Variants in NEMP1 observed in about 807,000 individuals in gnomAD.
NEMP1 encodes the protein nuclear envelope integral membrane protein 1.
A neutral mutation model predicts 53.7 loss-of-function variants in NEMP1; 29 were observed. That is an observed-to-expected ratio of 0.54 (90% CI 0.40 to 0.74). The LOEUF (loss-of-function observed/expected upper bound fraction) is 0.74. NEMP1 is among the 30% of genes least tolerant of loss of function. The pLI is 0.00. For synonymous variants in NEMP1, 193 were observed against 192.9 expected (o/e 1.00, Z 0.00); for missense variants, 477 against 528.6 (o/e 0.90, Z 0.96).
rs983382744 is a variant in NEMP1 at position 57,072,821 on chromosome 12, G to T, written c.219C>A (p.Ile73=). 1 of 1,613,120 alleles carries T rather than the reference G, an allele frequency of 6.2e-7. No homozygotes were observed. Among genetic ancestry groups the T allele is most frequent in the South Asian group, 1.1e-5 (1 of 90,842 alleles). Residue 73 remains isoleucine, a synonymous_variant, in exon 2 of 9, where the codon ATC becomes ATA. Coordinates refer to ENST00000300128, the MANE Select transcript of NEMP1 (RefSeq NM_001130963.2). ...SQQFCYTNVL[I]PKWHDIWTRI... ...GTGTCCATATATCATGCCATTTTGG[G>T]ATAAGCACATTTGTGTAACAGAATT...
Position 57,070,889 on chromosome 12 carries a change from C to T in NEMP1, c.257G>A (p.Arg86Gln), listed in dbSNP as rs530084039. 5 of 1,610,908 alleles carry T rather than the reference C, an allele frequency of 3.1e-6. No homozygotes were observed. Among genetic ancestry groups the T allele is most frequent in the Admixed American group, 3.4e-5 (2 of 59,596 alleles). Residue 86 changes from arginine to glutamine, a missense_variant, in exon 3 of 9, where the codon CGA becomes CAA. Arg to Gln is a conservative substitution (Grantham distance 43, BLOSUM62 1). Coordinates refer to ENST00000300128, the MANE Select transcript of NEMP1 (RefSeq NM_001130963.2). Reference protein sequence around the residue: ...WHDIWTRIQIRVNSSRLVRVT... With the variant: ...WHDIWTRIQIQVNSSRLVRVT... ...TCGAACCAATCTGGAACTATTTACT[C>T]GGATCTGTAACACAAATAAAATCAG... is the stretch of plus-strand genomic sequence containing the variant.
At chr12:57,071,773 C>T (rs189673803) in intron 2 of NEMP1, among the ~76,000 whole-genome samples, 125 of 151,560 alleles carry the variant, frequency 8.2e-4, no homozygotes, top group African/African-American at 2.9e-3. Context: ...TGCAGGGAGC[C>T]GAGGTCGTGC....
At position 57,063,251 on chromosome 12, in the gene NEMP1, G is replaced by A. The variant is rs1343372031; in HGVS notation, c.848C>T (p.Thr283Ile). Reference sequence around the variant, plus strand: ...GAAACACAGGCCCATCAGCTGCAAGGTCCAGGTCAGCAGGTTGATACTTCG... The same window carrying A: ...GAAACACAGGCCCATCAGCTGCAAGATCCAGGTCAGCAGGTTGATACTTCG... Reference protein sequence around the residue: ...NERSINLLTWTLQLMGLCFMY... With the variant: ...NERSINLLTWILQLMGLCFMY... The change falls in exon 7 of 9, where the codon ACC (threonine) becomes ATC (isoleucine). Residue 283 changes from threonine (T) to isoleucine (I), a missense_variant. Transcript: ENST00000300128. The A allele has an allele frequency of 6.2e-7, 1 of 1,614,174 alleles. No individual in the cohort carries two copies. Among genetic ancestry groups the A allele is most frequent in the Non-Finnish European group, 8.5e-7 (1 of 1,180,040 alleles).
intron 1 of NEMP1, among the ~76,000 whole-genome samples, chr12:57,086,924 T>A (rs2033012630): frequency 6.6e-6 from 1 of 152,190 alleles, no homozygotes; most frequent in Non-Finnish European, 1.5e-5. Context: ...TTTAGAGAGT[T>A]TTCCCGTACA....
intron 8 of NEMP1, among the ~76,000 whole-genome samples, chr12:57,060,564 T>C (rs984934268): frequency 2.6e-5 from 4 of 152,210 alleles, no homozygotes; most frequent in African/African-American, 9.7e-5. Flanking sequence ...CCCATCTTAA[T>C]GCTACAATCA....
upstream of NEMP1, among the ~76,000 whole-genome samples, chr12:57,081,894 A>G (rs1473936603): frequency 4.0e-5 from 6 of 148,776 alleles, no homozygotes; most frequent in East Asian, 9.9e-4. Flanking sequence ...GCGACAGAGC[A>G]AGACTCCGTC....
chr12:57,072,231 A>T (rs2032385658), intron 2 of NEMP1, among the ~76,000 whole-genome samples: 1 of 152,206 alleles, frequency 6.6e-6, no homozygotes, highest in Admixed American at 6.6e-5. Flanking sequence ...TGAGGGCAGG[A>T]GTTTCAGACC....
Position 57,069,313 on chromosome 12 carries a change from T to A in NEMP1, c.473-7A>T. On this transcript the variant is annotated splice_region_variant and splice_polypyrimidine_tract_variant and intron_variant, in intron 3 of 8. Transcript: ENST00000300128. Reference sequence around the variant, plus strand: ...AAGAGTTTGGGATCAAATCCTGAAATAAATAAAGATTTTTGCTTAATAAGG... The same window carrying A: ...AAGAGTTTGGGATCAAATCCTGAAAAAAATAAAGATTTTTGCTTAATAAGG... The A allele has an allele frequency of 6.5e-7, 1 of 1,533,968 alleles. No individual in the cohort carries two copies. The highest frequency in any genetic ancestry group is 1.7e-4 in the Middle Eastern group (1 of 5,930).
intron 6 of NEMP1, 63 bp from the exon 7 acceptor site, chr12:57,063,407 G>A: frequency 7.2e-7 from 1 of 1,380,294 alleles, no homozygotes. Context: ...TAATTTGTGT[G>A]GGAAGCAGTA....
chr12:57,072,712 A>C, intron 2 of NEMP1, 76 bp downstream of exon 2: 2 of 1,462,032 alleles, frequency 1.4e-6, no homozygotes, highest in Non-Finnish European at 1.9e-6. Flanking sequence ...GAAGGGGAAG[A>C]AAGTGTCAAA....
upstream of NEMP1, among the ~76,000 whole-genome samples, chr12:57,081,071 G>C (rs1456696696): frequency 6.6e-6 from 1 of 152,022 alleles, no homozygotes; most frequent in African/African-American, 2.4e-5. Flanking sequence ...ATGTACCCTT[G>C]ATAACATGAG....
intron 1 of NEMP1, among the ~76,000 whole-genome samples, chr12:57,075,538 T>C (rs955571022): frequency 7.5e-6 from 1 of 133,560 alleles, no homozygotes; most frequent in African/African-American, 2.8e-5. Flanking sequence ...AAATAAATAG[T>C]TGGGCCCAGG....
In NEMP1 at chr12:57,070,796, G is replaced by C. The variant is rs1555170916; in HGVS notation, c.350C>G (p.Ser117Cys). Reference protein sequence around the residue: ...LEQFSIWNFFSSFLKEKLNDT... With the variant: ...LEQFSIWNFFCSFLKEKLNDT... ...ATTCAATTTCTCTTTTAAAAAGGAG[G>C]AAAAAAAGTTCCAGATACTAAACTG... Residue 117 changes from serine to cysteine, a missense_variant, in exon 3 of 9, where the codon TCC (serine) becomes TGC (cysteine). Coordinates refer to ENST00000300128, the MANE Select transcript of NEMP1 (RefSeq NM_001130963.2). 2 of 1,613,514 alleles carry C rather than the reference G, an allele frequency of 1.2e-6. No homozygotes were observed. Among genetic ancestry groups the C allele is most frequent in the South Asian group, 2.2e-5 (2 of 90,988 alleles).
At chr12:57,086,387 T>C (rs879333430) in intron 1 of NEMP1, among the ~76,000 whole-genome samples, 1 of 152,162 alleles carries the variant, frequency 6.6e-6, no homozygotes, top group Non-Finnish European at 1.5e-5. Context: ...TTGAGAGCAC[T>C]GGGGATGGGG....
intron 1 of NEMP1, among the ~76,000 whole-genome samples, chr12:57,077,245 T>C (rs2032672462): frequency 6.7e-6 from 1 of 149,158 alleles, no homozygotes; most frequent in South Asian, 2.1e-4. Context: ...GGCAGGAGAA[T>C]GGCGTGAACC....
At chr12:57,068,767 C>T (rs377381668) in intron 4 of NEMP1, among the ~76,000 whole-genome samples, 3 of 152,128 alleles carry the variant, frequency 2.0e-5, no homozygotes, top group African/African-American at 7.2e-5. Context: ...GGGGTTTCAC[C>T]GTGTTAGCCA....
rs1159908205 is a variant in NEMP1, at chr12:57,067,466, A to G, written c.545+1768T>C. Among the ~76,000 whole-genome samples, 5 of 150,526 alleles carry G rather than the reference A, an allele frequency of 3.3e-5. No homozygotes were observed. The East Asian group carries it at 6.0e-4, about 18-fold the overall frequency. On this transcript the variant is annotated intron_variant, in intron 4 of 8. Coordinates refer to ENST00000300128, the MANE Select transcript of NEMP1 (RefSeq NM_001130963.2). Reference sequence around the variant, plus strand: ...ATCATATGAAAAAGTTTGAAATATTATAATTACTAAAATGTGACACACAGA... The same window carrying G: ...ATCATATGAAAAAGTTTGAAATATTGTAATTACTAAAATGTGACACACAGA...
chr12:57,064,046 G>A (rs1268550400), intron 6 of NEMP1, 25 bp downstream of exon 6: 1 of 1,464,562 alleles, frequency 6.8e-7, no homozygotes, highest in Admixed American at 1.9e-5. Flanking sequence ...ACGTACAAAA[G>A]GAAAGCAAAA....
rs1392050009 is a variant in NEMP1 at position 57,064,661 on chromosome 12, A to T, written c.624T>A (p.Ser208=). 1 of 1,611,566 alleles carries T rather than the reference A, an allele frequency of 6.2e-7. No homozygotes were observed. The highest frequency in any genetic ancestry group is 8.5e-7 in the Non-Finnish European group (1 of 1,178,376). The stretch of plus-strand genomic sequence containing the variant: ...TGATACTTACCTTAGGCATAAACTT[A>T]GATAGTATAAAAATGATGATTAGCA... ...ASLLIIIFIL[S]KFMPKKSPIY... is the part of the protein sequence containing the mutation. The change falls in exon 5 of 9, where the codon TCT becomes TCA. Residue 208 remains serine, a synonymous_variant. Transcript: ENST00000300128.
Sources: allele counts gnomAD v4.1 joint callset (sites outside exome capture counted in the v4.1 genomes callset), GRCh38; gene constraint gnomAD v4.1.1; transcripts MANE v1.5; gene names NCBI Gene and HGNC (gene_info 2026-07-23, HGNC 2026-07-21).